The following ERBB4 variants were observed in gnomAD, a reference collection of about 807,000 sequenced individuals.
The protein encoded by ERBB4 is erb-b2 receptor tyrosine kinase 4.
ERBB4 carries 42 observed loss-of-function variants against 158.0 expected under a neutral mutation model. That is an observed-to-expected ratio of 0.27 (90% confidence interval 0.21 to 0.34). ERBB4 has a LOEUF of 0.34. Among genes scored for constraint, ERBB4 ranks in the 10% least tolerant of loss-of-function variants. ERBB4 has a pLI of 1.00. For missense variants in ERBB4, 1,333 were observed against 1,624.1 expected (o/e 0.82, Z 3.08); for synonymous variants, 583 against 558.7 (o/e 1.04, Z -0.61).
At chr2:212,116,893 A>G (rs1454076480) in intron 2 of ERBB4, among the ~76,000 whole-genome samples, 7 of 152,180 alleles carry the variant, frequency 4.6e-5, no homozygotes, top group African/African-American at 1.7e-4. Flanking sequence ...GAGTCAATGT[A>G]TATTTTTAGA....
chr2:212,389,930 TA>T (rs1240504646), intron 1 of ERBB4, among the ~76,000 whole-genome samples: 37 of 145,306 alleles, frequency 2.5e-4, no homozygotes, highest in African/African-American at 5.8e-4. Context: ...TCTGTCTTAT[TA>T]AAAAAAAAAA....
chr2:212,395,137 T>G (rs1044054622), intron 1 of ERBB4, among the ~76,000 whole-genome samples: 5 of 152,120 alleles, frequency 3.3e-5, no homozygotes, highest in African/African-American at 1.2e-4. Context: ...TACATATTCT[T>G]GAGTTATCTA....
chr2:211,833,928 G>C (rs1483109004), intron 3 of ERBB4, among the ~76,000 whole-genome samples: 1 of 152,092 alleles, frequency 6.6e-6, no homozygotes, highest in Non-Finnish European at 1.5e-5. Context: ...AGCATGGTAT[G>C]TGACTGTACC....
intron 3 of ERBB4, among the ~76,000 whole-genome samples, chr2:211,921,216 T>G (rs993829918): frequency 6.6e-5 from 10 of 152,028 alleles, no homozygotes; most frequent in Non-Finnish European, 5.9e-5. Flanking sequence ...TGAGCTTCAG[T>G]TGTAACAGAA....
intron 12 of ERBB4, among the ~76,000 whole-genome samples, chr2:211,691,982 A>C (rs1425904182): frequency 6.6e-6 from 1 of 152,192 alleles, no homozygotes; most frequent in Non-Finnish European, 1.5e-5. Flanking sequence ...AGGACCTCCT[A>C]TTTCAAAAAA....
chr2:211,994,114 A>G (rs566513801), intron 2 of ERBB4, among the ~76,000 whole-genome samples: 3 of 152,000 alleles, frequency 2.0e-5, no homozygotes, highest in African/African-American at 7.2e-5. Flanking sequence ...CTATATGTCT[A>G]TCTATCTACC....
At chr2:212,056,739 G>C (rs533294912) in intron 2 of ERBB4, among the ~76,000 whole-genome samples, 10 of 152,180 alleles carry the variant, frequency 6.6e-5, no homozygotes, top group Non-Finnish European at 1.3e-4. Context: ...GAGAGATTTT[G>C]TCACCACTAG....
chr2:212,130,908 A>G (rs1180868040), intron 1 of ERBB4, among the ~76,000 whole-genome samples: 2 of 152,172 alleles, frequency 1.3e-5, no homozygotes, highest in African/African-American at 4.8e-5. Context: ...ATGGAACTTG[A>G]TAAAAAATTC....
chr2:211,959,187 C>T (rs570802247), intron 2 of ERBB4, among the ~76,000 whole-genome samples: 7 of 152,010 alleles, frequency 4.6e-5, no homozygotes, highest in African/African-American at 1.7e-4. Flanking sequence ...TGTTTATTGT[C>T]CCCCTCTATT....
At chr2:212,339,721 T>C (rs916800771) in intron 1 of ERBB4, among the ~76,000 whole-genome samples, 4 of 152,152 alleles carry the variant, frequency 2.6e-5, no homozygotes, top group African/African-American at 9.6e-5. Context: ...AGCAAATTTC[T>C]AAAAACTTGG....
intron 20 of ERBB4, among the ~76,000 whole-genome samples, chr2:211,533,995 C>T (rs1019836124): frequency 3.3e-5 from 5 of 152,070 alleles, no homozygotes; most frequent in African/African-American, 1.2e-4. Flanking sequence ...ATAGTGCTCC[C>T]ATAACCATTG....
chr2:211,686,884 T>G (rs2072579265), intron 12 of ERBB4, among the ~76,000 whole-genome samples: 1 of 152,168 alleles, frequency 6.6e-6, no homozygotes, highest in Admixed American at 6.5e-5. Flanking sequence ...GTATTCTTTC[T>G]TCATTTATGA....
intron 1 of ERBB4, among the ~76,000 whole-genome samples, chr2:212,234,644 T>C (rs2105993114): frequency 6.6e-6 from 1 of 152,280 alleles, no homozygotes. Flanking sequence ...CCAGCATCTG[T>C]TGTTTCTTGA....
At chr2:212,525,427 T>C (rs1483737230) in intron 1 of ERBB4, among the ~76,000 whole-genome samples, 3 of 151,972 alleles carry the variant, frequency 2.0e-5, no homozygotes, top group African/African-American at 7.2e-5. Context: ...AATTCATGAA[T>C]GAGAATTATT....
chr2:211,593,160 T>C (rs1323370033), intron 19 of ERBB4, among the ~76,000 whole-genome samples: 1 of 151,982 alleles, frequency 6.6e-6, no homozygotes, highest in Non-Finnish European at 1.5e-5. Flanking sequence ...AAAAAGCAGA[T>C]TGGATAGCCT....
At chr2:212,464,726 T>A (rs1262407595) in intron 1 of ERBB4, among the ~76,000 whole-genome samples, 1 of 152,132 alleles carries the variant, frequency 6.6e-6, no homozygotes, top group African/African-American at 2.4e-5. Context: ...AAATAAGTTT[T>A]GTTACCTACA....
chr2:212,109,400 A>G (rs781200807), intron 2 of ERBB4, among the ~76,000 whole-genome samples: 2 of 152,158 alleles, frequency 1.3e-5, no homozygotes, highest in Non-Finnish European at 2.9e-5. Flanking sequence ...TCCCTTTTCT[A>G]TGAGAGCCCT....
intron 3 of ERBB4, among the ~76,000 whole-genome samples, chr2:211,822,339 C>T (rs2077013373): frequency 6.6e-6 from 1 of 151,874 alleles, no homozygotes; most frequent in African/African-American, 2.4e-5. Context: ...AATGGATATG[C>T]TAATTAGTCT....
At chr2:211,461,085 GA>G (rs34730738) in intron 20 of ERBB4, among the ~76,000 whole-genome samples, 58,268 of 146,888 alleles carry the variant, frequency 0.4, 11,792 homozygotes, top group East Asian at 0.69. Flanking sequence ...GAGATTGGGG[GA>G]AAAAAAAAAA....
Sources: allele counts gnomAD v4.1 joint callset (sites outside exome capture counted in the v4.1 genomes callset), GRCh38; gene constraint gnomAD v4.1.1; transcripts MANE v1.5; gene names NCBI Gene and HGNC (gene_info 2026-07-23, HGNC 2026-07-21).